Variants in PCGF3 observed in about 807,000 individuals in gnomAD.
The protein encoded by PCGF3 is polycomb group ring finger 3.
A neutral mutation model predicts 33.1 loss-of-function variants in PCGF3; 7 were observed. The ratio of observed to expected loss-of-function variants is 0.21; its 90% CI spans 0.12 to 0.40. The LOEUF (loss-of-function observed/expected upper bound fraction) is 0.40. Ranked by LOEUF, PCGF3 falls within the 10% of genes least tolerant of loss-of-function variation. PCGF3 has a pLI of 1.00. For missense variants in PCGF3, 211 were observed against 313.3 expected, an observed-to-expected ratio of 0.67 and a Z score of 2.46; for synonymous variants, 153 against 121.3, an observed-to-expected ratio of 1.26 and a Z score of -1.72.
chr4:753,497 AC>A (rs1560214106), intron 8 of PCGF3, among the ~76,000 whole-genome samples: 1 of 152,156 alleles, frequency 6.6e-6, no homozygotes, highest in African/African-American at 2.4e-5. Context: ...TACTAAAAAT[AC>A]AAAAAATTAG....
At chr4:724,751 T>G (rs373263310) in intron 1 of PCGF3, among the ~76,000 whole-genome samples, 120 of 152,192 alleles carry the variant, frequency 7.9e-4, no homozygotes, top group African/African-American at 2.9e-3. Flanking sequence ...TGAGCCGAGA[T>G]CACGCCACTG....
chr4:765,603 C>A (rs1745323909), intron 10 of PCGF3, among the ~76,000 whole-genome samples: 1 of 152,196 alleles, frequency 6.6e-6, no homozygotes, highest in African/African-American at 2.4e-5. Flanking sequence ...AGCAGAGGGT[C>A]CCCTGGGGCC....
At chr4:767,658 AT>A (rs1745441060) in exon 11 of PCGF3, 1 of 152,200 alleles carries the variant, frequency 6.6e-6, no homozygotes. Context: ...CATCTGAGTG[AT>A]TGTCAGTGTA....
At chr4:706,221 C>T (rs1331743542) in intron 1 of PCGF3, among the ~76,000 whole-genome samples, 1 of 140,094 alleles carries the variant, frequency 7.1e-6, no homozygotes, top group Admixed American at 7.0e-5. Flanking sequence ...GGCAGGACCC[C>T]GGGAGGGCTG....
intron 6 of PCGF3, among the ~76,000 whole-genome samples, 194 bp from the exon 7 acceptor site, chr4:743,280 C>T (rs1006731755): frequency 2.0e-5 from 3 of 152,202 alleles, no homozygotes; most frequent in South Asian, 2.1e-4. Flanking sequence ...GTTGGTGGGG[C>T]GGGTGCCCGG....
At chr4:724,530 T>C (rs900473171) in intron 1 of PCGF3, among the ~76,000 whole-genome samples, 1 of 152,224 alleles carries the variant, frequency 6.6e-6, no homozygotes, top group Non-Finnish European at 1.5e-5. Context: ...AGGTGTTTTG[T>C]TAGAAATTAT....
chr4:733,051 C>A lies in PCGF3; in HGVS notation c.-9-621C>A, dbSNP rs942758184. On this transcript the variant is annotated intron_variant, in intron 3 of 10. Coordinates refer to ENST00000362003, the Ensembl canonical transcript of PCGF3. Reference sequence around the variant, plus strand: ...CCCACCCTGTGAGGGTAGGGTGGGGCCCCTGCCGCGTGCTGCCTCCGCCCC... The same window carrying A: ...CCCACCCTGTGAGGGTAGGGTGGGGACCCTGCCGCGTGCTGCCTCCGCCCC... Among the ~76,000 whole-genome samples the A allele has an allele frequency of 1.2e-4, 17 of 140,486 alleles. 1 individual carries two copies. Among genetic ancestry groups the A allele is most frequent in the African/African-American group, 4.4e-4 (17 of 38,894 alleles). 92.2% of individuals were successfully genotyped at this position (140,486 alleles called of 152,430 possible). A position where few individuals can be genotyped will look rare whatever the true frequency, so the allele number is the denominator to read the frequency against.
Position 765,897 on chromosome 4 carries a change from A to G in PCGF3, c.682-135A>G, listed in dbSNP as rs941547204. 22 of 759,448 alleles carry G rather than the reference A, an allele frequency of 2.9e-5. No individual in the cohort carries two copies. The African/African-American group carries it at 3.6e-4, about 12-fold the overall frequency. The allele number at this position is 759,448 out of a possible 1,614,324, so 47.0% of individuals were successfully genotyped here. A position where few individuals can be genotyped will look rare whatever the true frequency, so the allele number is the denominator to read the frequency against. Reference sequence around the variant, plus strand: ...GGGGGACCCTTCTGTTGCTCAGAACAGAAGGGTCTCTGTGCAGCCCTGCAT... The same window carrying G: ...GGGGGACCCTTCTGTTGCTCAGAACGGAAGGGTCTCTGTGCAGCCCTGCAT... On this transcript the variant is annotated intron_variant, in intron 10 of 10. Coordinates refer to ENST00000362003, the Ensembl canonical transcript of PCGF3.
intron 1 of PCGF3, among the ~76,000 whole-genome samples, chr4:713,592 A>G (rs894561848): frequency 2.0e-5 from 3 of 146,502 alleles, no homozygotes; most frequent in Non-Finnish European, 4.5e-5. Flanking sequence ...GTGGGGGGCT[A>G]TGACTTTGTG....
At chr4:768,690 A>AAACTT (rs202114707) in exon 11 of PCGF3, 7 of 152,636 alleles carry the variant, frequency 4.6e-5, no homozygotes, top group African/African-American at 1.7e-4. Context: ...TTAAAAAAGA[A>AAACTT]AACTTAACTT....
At chr4:725,510 C>T (rs542907770) in intron 1 of PCGF3, among the ~76,000 whole-genome samples, 1 of 152,078 alleles carries the variant, frequency 6.6e-6, no homozygotes, top group East Asian at 1.9e-4. Context: ...ACGGGCTCTG[C>T]GCTGTGGCTC....
rs1743537216 is a variant in PCGF3 at position 731,128 on chromosome 4, CG to C, written c.-10+19del. ...TAGCGGAGGTGAGGCCCACGCCCCC[CG>C]ACCCCGGGGGTCCTGCTGACTCCTT... is the stretch of plus-strand genomic sequence containing the variant. On this transcript the variant is annotated intron_variant, in intron 3 of 10. Transcript: ENST00000362003. 1 of 398,578 alleles carries C rather than the reference CG, an allele frequency of 2.5e-6. No individual in the cohort carries two copies. Among genetic ancestry groups the C allele is most frequent in the Non-Finnish European group, 4.4e-6 (1 of 225,988 alleles). The allele number at this position is 398,578 out of a possible 1,614,324, so 24.7% of individuals were successfully genotyped here. A position where few individuals can be genotyped will look rare whatever the true frequency, so the allele number is the denominator to read the frequency against.
intron 1 of PCGF3, among the ~76,000 whole-genome samples, chr4:727,783 CTGG>C (rs1743391919): frequency 6.6e-6 from 1 of 152,140 alleles, no homozygotes; most frequent in Non-Finnish European, 1.5e-5. Flanking sequence ...TCTGTGTTTC[CTGG>C]TGAGGTTAAC....
chr4:769,776 T>C (rs879405132), exon 11 of PCGF3: 1 of 152,700 alleles, frequency 6.5e-6, no homozygotes, highest in Non-Finnish European at 1.5e-5. Context: ...AGACGCATTT[T>C]CCCAGACGAA....
intron 6 of PCGF3, among the ~76,000 whole-genome samples, chr4:740,771 C>T (rs948348178): frequency 7.9e-5 from 12 of 152,294 alleles, no homozygotes; most frequent in African/African-American, 2.4e-4. Flanking sequence ...TTTCATGGTG[C>T]GTAGCCTGGT....
chr4:734,557 C>T lies in PCGF3; in HGVS notation c.110-374C>T, dbSNP rs1743752192. ...TTAGGTTATTTTCATTTGATTTTAT[C>T]TAGTTGTACGTAGAAGATACTGTCA... On this transcript the variant is annotated intron_variant, in intron 4 of 10. Transcript: ENST00000362003. The T allele has an allele frequency of 6.0e-6, 7 of 1,164,674 alleles. No individual in the cohort carries two copies. The South Asian group carries it at 1.9e-4, about 32-fold the overall frequency. The allele number at this position is 1,164,674 out of a possible 1,614,324, so 72.1% of individuals were successfully genotyped here.
intron 1 of PCGF3, among the ~76,000 whole-genome samples, chr4:717,796 C>A (rs952704696): frequency 6.6e-6 from 1 of 152,202 alleles, no homozygotes; most frequent in Non-Finnish European, 1.5e-5. Context: ...GCGAGAGGGC[C>A]GAGAATGTCC....
In PCGF3 at chr4:707,774, G is replaced by T. The variant is rs552897226; in HGVS notation, c.-190+1804G>T. Among the ~76,000 whole-genome samples the T allele has an allele frequency of 1.7e-4, 21 of 123,782 alleles. 1 individual carries two copies. The highest frequency in any genetic ancestry group is 5.7e-4 in the African/African-American group (18 of 31,674). The allele number at this position is 123,782 out of a possible 152,430, so 81.2% of individuals were successfully genotyped here. A position where few individuals can be genotyped will look rare whatever the true frequency, so the allele number is the denominator to read the frequency against. ...ACAGCTCTGTTTTCACCTGGGGGCC[G>T]GGACCCTGGGACAGCTCTGTTTTCC... On this transcript the variant is annotated intron_variant, in intron 1 of 10. Transcript: ENST00000362003.
At chr4:750,993 A>G (rs1744486462) in intron 8 of PCGF3, among the ~76,000 whole-genome samples, 1 of 151,934 alleles carries the variant, frequency 6.6e-6, no homozygotes, top group Non-Finnish European at 1.5e-5. Context: ...TTTTTTGCAC[A>G]CATCTCAGGT....
Sources: allele counts gnomAD v4.1 joint callset (sites outside exome capture counted in the v4.1 genomes callset), GRCh38; gene constraint gnomAD v4.1.1; transcripts MANE v1.5; gene names NCBI Gene and HGNC (gene_info 2026-07-23, HGNC 2026-07-21).